The following DCAF8L2 variants were observed in gnomAD, a reference collection of about 807,000 sequenced individuals.
DCAF8L2 encodes DDB1- and CUL4-associated factor 8-like protein 2.
For missense variants in DCAF8L2, 430 were observed against 490.7 expected, an observed-to-expected ratio of 0.88 and a Z score of 1.17; for synonymous variants, 200 against 190.9, an observed-to-expected ratio of 1.05 and a Z score of -0.39.
the DCAF8L2 span, among the ~76,000 whole-genome samples, chrX:27,542,935 C>T: frequency 9.0e-6 from 1 of 111,405 alleles, no homozygotes; most frequent in Non-Finnish European, 1.9e-5. Context: ...TTCTGTATGT[C>T]TTCTGTCTAC....
chrX:27,560,267 C>CA, the DCAF8L2 span, among the ~76,000 whole-genome samples: 114 of 81,420 alleles, frequency 1.4e-3, no homozygotes, highest in Non-Finnish European at 1.9e-3. Flanking sequence ...ATATCCATCT[C>CA]AAAAAAAAAA....
upstream of DCAF8L2, among the ~76,000 whole-genome samples, chrX:27,587,985 A>AAAAAAAAAATATATATATATAT: frequency 8.9e-5 from 2 of 22,362 alleles, no homozygotes; most frequent in African/African-American, 2.0e-4. Context: ...TAAAAAAAAA[A>AAAAAAAAAATATATATATATAT]ATATATATAT....
At chrX:27,559,254 G>T in the DCAF8L2 span, among the ~76,000 whole-genome samples, 1 of 111,893 alleles carries the variant, frequency 8.9e-6, no homozygotes, top group Non-Finnish European at 1.9e-5. Context: ...TTGCTGTAAA[G>T]AGATGGTCAG....
the DCAF8L2 span, among the ~76,000 whole-genome samples, chrX:27,554,814 G>A: frequency 1.8e-5 from 2 of 111,447 alleles, no homozygotes; most frequent in Non-Finnish European, 3.8e-5. Context: ...CCTACAGTCA[G>A]GTGGGTTCTT....
At chrX:27,551,658 G>T in the DCAF8L2 span, among the ~76,000 whole-genome samples, 2 of 111,105 alleles carry the variant, frequency 1.8e-5, no homozygotes, top group South Asian at 3.8e-4. Context: ...ACAGAAGAAA[G>T]GATTTCATTA....
At chrX:27,470,938 G>A in the DCAF8L2 span, among the ~76,000 whole-genome samples, 1 of 111,320 alleles carries the variant, frequency 9.0e-6, no homozygotes, top group Non-Finnish European at 1.9e-5. Context: ...TGATTGGTTG[G>A]TTGATTACTG....
chrX:27,508,973 G>A, the DCAF8L2 span, among the ~76,000 whole-genome samples: 1 of 110,909 alleles, frequency 9.0e-6, no homozygotes, highest in Non-Finnish European at 1.9e-5. Context: ...TTGAATTAAT[G>A]TTGCAAGTAA....
intron 2 of DCAF8L2, among the ~76,000 whole-genome samples, chrX:27,666,082 G>A (rs1335854108): frequency 9.0e-6 from 1 of 111,632 alleles, no homozygotes. Flanking sequence ...TAATAAAAAT[G>A]AGTGATAGCT....
chrX:27,650,915 G>A (rs150887912), intron 2 of DCAF8L2, among the ~76,000 whole-genome samples: 1,781 of 111,203 alleles, frequency 0.016, 29 homozygotes, highest in African/African-American at 0.055. Context: ...CATGCAGTAT[G>A]ATGTTGGCTG....
intron 3 of DCAF8L2, among the ~76,000 whole-genome samples, chrX:27,681,063 T>C (rs1461741802): frequency 9.0e-6 from 1 of 111,281 alleles, no homozygotes; most frequent in African/African-American, 3.3e-5. Context: ...GTTTTAGAGG[T>C]AGATATCTAT....
intron 4 of DCAF8L2, among the ~76,000 whole-genome samples, chrX:27,744,448 C>T (rs73196153): frequency 0.29 from 31,725 of 110,719 alleles, 3,904 homozygotes; most frequent in Middle Eastern, 0.43. Flanking sequence ...TTATATCTGA[C>T]ATTATTGTAA....
At chrX:27,469,638 T>C in the DCAF8L2 span, among the ~76,000 whole-genome samples, 1 of 112,071 alleles carries the variant, frequency 8.9e-6, no homozygotes, top group South Asian at 3.7e-4. Flanking sequence ...AAAAATTTCA[T>C]GATAAATAGG....
At chrX:27,485,924 C>CTTTTTTTTTTT in the DCAF8L2 span, among the ~76,000 whole-genome samples, 49 of 58,759 alleles carry the variant, frequency 8.3e-4, no homozygotes, top group Middle Eastern at 0.015. Context: ...TTCTTTTTCT[C>CTTTTTTTTTTT]TTTTTTTTTT....
At chrX:27,745,798 T>A (rs1220339042) in intron 4 of DCAF8L2, among the ~76,000 whole-genome samples, 1 of 111,945 alleles carries the variant, frequency 8.9e-6, no homozygotes, top group Non-Finnish European at 1.9e-5. Flanking sequence ...AACACAGTAA[T>A]GCCAATTAAC....
the DCAF8L2 span, among the ~76,000 whole-genome samples, chrX:27,508,704 C>T: frequency 1.3e-4 from 13 of 103,128 alleles, no homozygotes; most frequent in African/African-American, 4.6e-4. Flanking sequence ...AAGTCTCATA[C>T]TAGATGAGAT....
the DCAF8L2 span, among the ~76,000 whole-genome samples, chrX:27,580,693 TC>T: frequency 1.8e-5 from 2 of 111,518 alleles, no homozygotes; most frequent in Admixed American, 9.6e-5. Flanking sequence ...ACACTTCAGT[TC>T]TGAGGTGAAA....
the DCAF8L2 span, chrX:27,519,417 T>G: frequency 1.1e-5 from 12 of 1,130,084 alleles, no homozygotes; most frequent in South Asian, 1.8e-5. Context: ...CAGCACTTGC[T>G]GAATTCACTG....
chrX:27,653,761 C>A (rs184817295), intron 2 of DCAF8L2, among the ~76,000 whole-genome samples: 80 of 107,194 alleles, frequency 7.5e-4, no homozygotes, highest in East Asian at 2.4e-3. Flanking sequence ...CACACACACA[C>A]AACATATATT....
chrX:27,654,957 T>C (rs1218275218), intron 2 of DCAF8L2, among the ~76,000 whole-genome samples: 1 of 111,226 alleles, frequency 9.0e-6, no homozygotes, highest in Non-Finnish European at 1.9e-5. Context: ...TACGAGAAAC[T>C]AGGCAGGTAG....
Sources: allele counts gnomAD v4.1 joint callset (sites outside exome capture counted in the v4.1 genomes callset), GRCh38; gene constraint gnomAD v4.1.1; transcripts MANE v1.5; gene names NCBI Gene and HGNC (gene_info 2026-07-23, HGNC 2026-07-21).